ALMS1: variants seen among roughly 807,000 people sequenced by gnomAD.
ALMS1 encodes the protein ALMS1 centrosome and basal body associated protein, also known as centrosome-associated protein ALMS1.
A neutral mutation model predicts 352.2 loss-of-function variants in ALMS1; 271 were observed. The observed-to-expected ratio is 0.77, with a 90% CI of 0.70 to 0.85. The LOEUF (loss-of-function observed/expected upper bound fraction) is 0.85. Ranked by LOEUF, ALMS1 falls within the 40% of genes least tolerant of loss-of-function variation. The pLI, the probability that ALMS1 is intolerant of heterozygous loss-of-function variation, is 0.00. For missense variants in ALMS1, 5,445 were observed against 4,870.7 expected, an observed-to-expected ratio of 1.12 and a Z score of -3.51; for synonymous variants, 1,865 against 1,761.2, an observed-to-expected ratio of 1.06 and a Z score of -1.48.
chr2:73,536,197 C>T (rs1220050679), intron 12 of ALMS1, among the ~76,000 whole-genome samples: 1 of 152,178 alleles, frequency 6.6e-6, no homozygotes, highest in Non-Finnish European at 1.5e-5. Context: ...ATCTTCTGTC[C>T]CACTTACTCA....
intron 10 of ALMS1, among the ~76,000 whole-genome samples, chr2:73,510,951 C>T (rs1473728959): frequency 6.6e-6 from 1 of 152,144 alleles, no homozygotes; most frequent in Admixed American, 6.6e-5. Context: ...TGGGCTTCAC[C>T]CAGTTGGAAA....
chr2:73,434,864 G>C (rs961475910), intron 7 of ALMS1, among the ~76,000 whole-genome samples: 14 of 152,012 alleles, frequency 9.2e-5, no homozygotes, highest in Non-Finnish European at 8.8e-5. Flanking sequence ...AATGCAGTGC[G>C]TGGCTCACTG....
intron 11 of ALMS1, among the ~76,000 whole-genome samples, chr2:73,529,468 G>A (rs1454539054): frequency 2.0e-5 from 3 of 152,204 alleles, no homozygotes; most frequent in Non-Finnish European, 2.9e-5. Context: ...CTAGAAGCTT[G>A]TGGATATTTG....
chr2:73,460,204 C>G (rs775611942), intron 9 of ALMS1, among the ~76,000 whole-genome samples: 3 of 152,134 alleles, frequency 2.0e-5, no homozygotes, highest in Non-Finnish European at 2.9e-5. Context: ...TTCCCAGCCC[C>G]AACTCTTTCA....
intron 9 of ALMS1, chr2:73,469,706 T>G (rs1194548988): frequency 6.6e-6 from 1 of 151,818 alleles, no homozygotes; most frequent in Non-Finnish European, 1.5e-5. Flanking sequence ...ATATGATAGG[T>G]GAATTATTTA....
chr2:73,388,620 C>G (rs1574425463), intron 1 of ALMS1, among the ~76,000 whole-genome samples: 1 of 152,196 alleles, frequency 6.6e-6, no homozygotes, highest in Non-Finnish European at 1.5e-5. Context: ...CCTCCAGGCT[C>G]CATCCATGTT....
Position 73,453,686 on chromosome 2 carries a change from G to C in ALMS1, c.7159G>C (p.Val2387Leu), listed in dbSNP as rs1322924929. ...TLRQYQAAKSVMRSEPEGCSG... is the reference protein window; with the variant it reads ...TLRQYQAAKSLMRSEPEGCSG... ...TAGGCAATATCAAGCAGCCAAATCT[G>C]TAATGAGGTCTGAACCTGAAGGGTG... Residue 2387 changes from valine to leucine, a missense_variant, in exon 8 of 23, where the codon GTA becomes CTA. Transcript: ENST00000613296. 6.2e-7 allele frequency: 1 copy of C among 1,614,112 alleles called. No individual in the cohort carries two copies. The highest frequency in any genetic ancestry group is 1.3e-5 in the African/African-American group (1 of 75,038).
chr2:73,442,815 TATATCTC>T (rs1671744111), intron 7 of ALMS1, among the ~76,000 whole-genome samples: 1 of 152,210 alleles, frequency 6.6e-6, no homozygotes, highest in Non-Finnish European at 1.5e-5. Context: ...TCTATCTAGA[TATATCTC>T]ATACTCCAAA....
chr2:73,387,485 T>C (rs1670563111), intron 1 of ALMS1, among the ~76,000 whole-genome samples: 1 of 152,172 alleles, frequency 6.6e-6, no homozygotes, highest in Non-Finnish European at 1.5e-5. Flanking sequence ...AGTTTAAGGT[T>C]AATCAGGCAA....
chr2:73,531,051 A>G (rs904873139), intron 11 of ALMS1, among the ~76,000 whole-genome samples: 2 of 152,172 alleles, frequency 1.3e-5, no homozygotes, highest in African/African-American at 4.8e-5. Flanking sequence ...CCCTGGAGAC[A>G]TTTTCCCCAT....
rs113808259 is a variant in ALMS1, at chr2:73,519,835, A to C, written c.9600A>C (p.Ala3200=). ...TCTCTGAAAAATTGTCATCTGATGC[A>C]GTCACTCAGATAACAACAGAAAGTC... ...SAFSEKLSSD[A]VTQITTESPE... The change falls in exon 11 of 23, where the codon GCA becomes GCC. Residue 3200 remains alanine (A), a synonymous_variant. Transcript: ENST00000613296. 8.2e-5 allele frequency: 133 copies of C among 1,614,060 alleles called. No homozygotes were observed. The highest frequency in any genetic ancestry group is 8.7e-5 in the Non-Finnish European group (103 of 1,179,928).
rs76509944 is a variant in ALMS1, at chr2:73,598,982, G to T, written c.11548-419G>T. Among the ~76,000 whole-genome samples, 55 of 152,230 alleles carry T rather than the reference G, an allele frequency of 3.6e-4. 1 individual carries two copies. The highest frequency in any genetic ancestry group is 1.3e-3 in the African/African-American group (54 of 41,530). On this transcript the variant is annotated intron_variant, in intron 16 of 22. Transcript: ENST00000613296. ...GTCTTTGGTGTTTGTCTTAGTATAC[G>T]TGTTTGAGTCAGCTCTTAATTGGAG...
At chr2:73,531,844 G>A (rs1673922320) in intron 11 of ALMS1, among the ~76,000 whole-genome samples, 1 of 152,172 alleles carries the variant, frequency 6.6e-6, no homozygotes, top group Admixed American at 6.5e-5. Context: ...AGAGCTCAGG[G>A]GAAACTGCCA....
intron 2 of ALMS1, among the ~76,000 whole-genome samples, chr2:73,412,020 A>C (rs1046288345): frequency 5.9e-5 from 9 of 152,312 alleles, no homozygotes; most frequent in Non-Finnish European, 8.8e-5. Flanking sequence ...AGAGTTGTCT[A>C]TACATTTTCT....
chr2:73,428,291 T>C (rs1671420309), intron 6 of ALMS1, among the ~76,000 whole-genome samples: 1 of 152,194 alleles, frequency 6.6e-6, no homozygotes, highest in South Asian at 2.1e-4. Flanking sequence ...AACTTGCTCA[T>C]AATTATTCAG....
intron 16 of ALMS1, among the ~76,000 whole-genome samples, chr2:73,577,970 G>C (rs867005259): frequency 5.3e-5 from 8 of 152,024 alleles, no homozygotes; most frequent in Non-Finnish European, 8.8e-5. Flanking sequence ...TATCAGAAGT[G>C]GATTATTGAA....
At chr2:73,552,576 A>C (rs982629442) in intron 13 of ALMS1, among the ~76,000 whole-genome samples, 2 of 152,202 alleles carry the variant, frequency 1.3e-5, no homozygotes, top group Non-Finnish European at 2.9e-5. Flanking sequence ...GATACATTTG[A>C]AATAAAGTCA....
At position 73,490,637 on chromosome 2, in the gene ALMS1, C is replaced by T; in HGVS notation, c.8678C>T (p.Ala2893Val). ...EQRELFEQSKAPRADDHVRKH... is the reference protein window; with the variant it reads ...EQRELFEQSKVPRADDHVRKH... ...CGAGAGCTCTTTGAACAAAGCAAAG[C>T]CCCACGTGCAGATGACCATGTGAGG... The change falls in exon 10 of 23, where the codon GCC becomes GTC. Residue 2893 changes from alanine to valine, a missense_variant. Transcript: ENST00000613296. The T allele has an allele frequency of 6.2e-7, 1 of 1,614,130 alleles. No individual in the cohort carries two copies. Among genetic ancestry groups the T allele is most frequent in the Non-Finnish European group, 8.5e-7 (1 of 1,180,010 alleles).
intron 9 of ALMS1, among the ~76,000 whole-genome samples, chr2:73,485,612 C>T (rs987133349): frequency 3.3e-5 from 5 of 152,228 alleles, no homozygotes; most frequent in Non-Finnish European, 5.9e-5. Context: ...CCAGTTCGAG[C>T]TTCCAGGCTG....
Sources: gnomAD v4.1 joint callset for allele counts (sites outside exome capture counted in the v4.1 genomes callset) on GRCh38, gnomAD v4.1.1 for gene constraint, MANE v1.5 for transcripts, NCBI Gene and HGNC (gene_info 2026-07-23, HGNC 2026-07-21) for gene names.